MYO5B: variants seen among roughly 807,000 people sequenced by gnomAD.
The protein encoded by MYO5B is unconventional myosin-Vb.
A neutral mutation model predicts 229.3 loss-of-function variants in MYO5B; 143 were observed. That is an observed-to-expected ratio of 0.62 (90% CI 0.54 to 0.72). The LOEUF is 0.72. MYO5B is among the 30% of genes least tolerant of loss of function. The probability of loss-of-function intolerance (pLI) is 0.00; values close to 1 mark genes in which losing one functional copy is unlikely to be tolerated. For missense variants in MYO5B, 2,321 were observed against 2,331.0 expected (o/e 1.00, Z 0.09); for synonymous variants, 918 against 885.2 (o/e 1.04, Z -0.66).
At chr18:49,965,523 G>A (rs909149124) in intron 10 of MYO5B, among the ~76,000 whole-genome samples, 2 of 150,730 alleles carry the variant, frequency 1.3e-5, no homozygotes, top group South Asian at 4.2e-4. Context: ...CCAAATGGAC[G>A]GCAGTGGCCC....
intron 39 of MYO5B, among the ~76,000 whole-genome samples, chr18:49,832,874 G>A (rs2023939915): frequency 6.6e-6 from 1 of 152,182 alleles, no homozygotes; most frequent in Non-Finnish European, 1.5e-5. Flanking sequence ...GCTCTGGTGT[G>A]GCCTGGCAGA....
At chr18:50,137,162 T>C (rs2032349266) in intron 1 of MYO5B, among the ~76,000 whole-genome samples, 2 of 152,230 alleles carry the variant, frequency 1.3e-5, no homozygotes, top group Admixed American at 1.3e-4. Flanking sequence ...GGGCAGTTTA[T>C]TTCACATACA....
At chr18:50,079,101 A>AAC (rs1343807366) in intron 1 of MYO5B, among the ~76,000 whole-genome samples, 1 of 152,230 alleles carries the variant, frequency 6.6e-6, no homozygotes, top group Non-Finnish European at 1.5e-5. Context: ...ACACAAAGGA[A>AAC]ACTTCTGGGA....
chr18:49,856,223 G>A (rs536675433), intron 30 of MYO5B, among the ~76,000 whole-genome samples: 8 of 152,230 alleles, frequency 5.3e-5, no homozygotes, highest in African/African-American at 1.7e-4. Flanking sequence ...TAAACCCTCC[G>A]GGCTTCAGTG....
At chr18:50,059,357 C>T (rs1203146034) in intron 1 of MYO5B, among the ~76,000 whole-genome samples, 1 of 152,124 alleles carries the variant, frequency 6.6e-6, no homozygotes, top group East Asian at 1.9e-4. Context: ...TAAAAATATG[C>T]CCTAATGGGG....
At chr18:50,115,943 T>C (rs2031954980) in intron 1 of MYO5B, among the ~76,000 whole-genome samples, 1 of 152,140 alleles carries the variant, frequency 6.6e-6, no homozygotes. Context: ...CAGTTATCAC[T>C]AATCATAGAT....
In MYO5B at chr18:49,824,068, C is replaced by T. The variant is rs1235950815; in HGVS notation, c.*2403G>A. 2 of 152,528 alleles carry T rather than the reference C, an allele frequency of 1.3e-5. No homozygotes were observed. The highest frequency in any genetic ancestry group is 2.9e-5 in the Non-Finnish European group (2 of 68,018). The allele number at this position is 152,528 out of a possible 1,614,324, so 9.4% of individuals were successfully genotyped here. On this transcript the variant is annotated 3_prime_UTR_variant, in exon 40 of 40. Coordinates refer to ENST00000285039, the MANE Select transcript of MYO5B (RefSeq NM_001080467.3). ...TTTAAATATTAAAAAATTAAAGAGA[C>T]ATCTAATGCAGAGTTCAAACCTGAA... is the stretch of plus-strand genomic sequence containing the variant.
intron 1 of MYO5B, among the ~76,000 whole-genome samples, chr18:50,139,319 G>GA (rs1408356181): frequency 5.3e-5 from 8 of 152,156 alleles, no homozygotes; most frequent in African/African-American, 1.9e-4. Flanking sequence ...TTTGGAGTCA[G>GA]AAAAAAATCT....
At position 49,982,095 on chromosome 18, in the gene MYO5B, TGA is replaced by T. The variant is rs982338841; in HGVS notation, c.947-1544_947-1543del. ...TTTCTACTTCGTTTATCTATTTTTT[TGA>T]GAGAGGGTCTTGCTCTGTTGCTCAG... On this transcript the variant is annotated intron_variant, in intron 8 of 39. Coordinates refer to ENST00000285039, the MANE Select transcript of MYO5B (RefSeq NM_001080467.3). 1.6e-4 allele frequency among the ~76,000 whole-genome samples: 25 copies of T among 152,342 alleles called. No individual in the cohort carries two copies. The East Asian group carries it at 2.3e-3, about 14-fold the overall frequency.
chr18:49,963,102 G>A (rs2025579726), intron 10 of MYO5B, 72 bp from the exon 11 acceptor site: 3 of 1,263,536 alleles, frequency 2.4e-6, no homozygotes, highest in Non-Finnish European at 3.5e-6. Context: ...CAACAAAGCT[G>A]CTCTGACCCA....
intron 1 of MYO5B, among the ~76,000 whole-genome samples, chr18:50,103,900 G>C (rs2031702219): frequency 6.6e-6 from 1 of 151,630 alleles, no homozygotes; most frequent in South Asian, 2.1e-4. Context: ...ATCATCATCT[G>C]GGAACACAGT....
At chr18:49,872,993 C>A (rs1412638277) in intron 26 of MYO5B, among the ~76,000 whole-genome samples, 1 of 152,140 alleles carries the variant, frequency 6.6e-6, no homozygotes, top group African/African-American at 2.4e-5. Context: ...GGAAAGCTCC[C>A]CAGTGTGTTG....
chr18:49,853,430 A>G lies in MYO5B; in HGVS notation c.4221+19T>C. 1 of 1,613,524 alleles carries G rather than the reference A, an allele frequency of 6.2e-7. No individual in the cohort carries two copies. Among genetic ancestry groups the G allele is most frequent in the South Asian group, 1.1e-5 (1 of 91,016 alleles). On this transcript the variant is annotated intron_variant, in intron 31 of 39. Transcript: ENST00000285039. ...ACGTGACTTCCCAAAGCTGGGGTCC[A>G]CTAGACATGGCTACCCACCAGATTC... is the stretch of plus-strand genomic sequence containing the variant.
Position 49,825,919 on chromosome 18 carries a change from A to G in MYO5B, c.*552T>C, listed in dbSNP as rs768657150. On this transcript the variant is annotated 3_prime_UTR_variant, in exon 40 of 40. Coordinates refer to ENST00000285039, the MANE Select transcript of MYO5B (RefSeq NM_001080467.3). Reference sequence around the variant, plus strand: ...TCTGTGTATAATCAGCCATTAAAAAATATTTTGGGAATATTTCTCAGAAGT... The same window carrying G: ...TCTGTGTATAATCAGCCATTAAAAAGTATTTTGGGAATATTTCTCAGAAGT... 33 of 162,356 alleles carry G rather than the reference A, an allele frequency of 2.0e-4. No homozygotes were observed. The highest frequency in any genetic ancestry group is 4.4e-4 in the Non-Finnish European group (32 of 73,298). 10.1% of individuals were successfully genotyped at this position (162,356 alleles called of 1,614,324 possible). A position where few individuals can be genotyped will look rare whatever the true frequency, so the allele number is the denominator to read the frequency against.
chr18:49,959,178 G>A (rs565417399), intron 12 of MYO5B, among the ~76,000 whole-genome samples: 5 of 152,114 alleles, frequency 3.3e-5, no homozygotes, highest in East Asian at 1.9e-4. Flanking sequence ...TCCCCACGAC[G>A]CTCTTCCTTC....
At chr18:50,058,467 C>T (rs2030606267) in intron 1 of MYO5B, among the ~76,000 whole-genome samples, 1 of 152,016 alleles carries the variant, frequency 6.6e-6, no homozygotes, top group South Asian at 2.1e-4. Flanking sequence ...GAGACTCTGT[C>T]TCAAAAAACA....
rs373060684 is a variant in MYO5B, at chr18:49,915,275, ACCCTATTCTG to A, written c.2091-3112_2091-3103del. Among the ~76,000 whole-genome samples the A allele has an allele frequency of 4.4e-3, 676 of 152,260 alleles. 4 individuals are homozygous for A. Among genetic ancestry groups the A allele is most frequent in the African/African-American group, 0.015 (630 of 41,550 alleles). Reference sequence around the variant, plus strand: ...ATTTGCGAAGTTGTGCAACTATCACACCCTATTCTGCCCTATTCTCCCCTCTTCACAGATC... The same window carrying A: ...ATTTGCGAAGTTGTGCAACTATCACACCCTATTCTCCCCTCTTCACAGATC... On this transcript the variant is annotated intron_variant, in intron 17 of 39. Coordinates refer to ENST00000285039, the MANE Select transcript of MYO5B (RefSeq NM_001080467.3).
chr18:50,172,500 C>CA (rs2032934165), intron 1 of MYO5B, among the ~76,000 whole-genome samples: 1 of 152,186 alleles, frequency 6.6e-6, no homozygotes, highest in African/African-American at 2.4e-5. Context: ...GCCCAGTATT[C>CA]AAGCAAGACT....
intron 1 of MYO5B, among the ~76,000 whole-genome samples, chr18:50,098,268 T>G (rs1024355152): frequency 4.2e-5 from 6 of 143,196 alleles, no homozygotes; most frequent in African/African-American, 9.0e-5. Flanking sequence ...TAAAATCAGG[T>G]TTTTTTTTAT....
Sources: gnomAD v4.1 joint callset for allele counts (sites outside exome capture counted in the v4.1 genomes callset) on GRCh38, gnomAD v4.1.1 for gene constraint, MANE v1.5 for transcripts, NCBI Gene and HGNC (gene_info 2026-07-23, HGNC 2026-07-21) for gene names.